Variants in PPARGC1A observed in about 807,000 individuals in gnomAD.
PPARGC1A encodes PPARG coactivator 1 alpha, also known as peroxisome proliferator-activated receptor gamma coactivator 1-alpha.
PPARGC1A carries 25 observed loss-of-function variants against 88.7 expected under a neutral mutation model. The observed-to-expected ratio is 0.28, with a 90% confidence interval of 0.21 to 0.39. The LOEUF is 0.39. Among genes scored for constraint, PPARGC1A ranks in the 10% least tolerant of loss-of-function variants. The pLI, the probability that PPARGC1A is intolerant of heterozygous loss-of-function variation, is 1.00. For synonymous variants in PPARGC1A, 363 were observed against 355.6 expected (o/e 1.02, Z -0.24); for missense variants, 880 against 968.7 (o/e 0.91, Z 1.22).
At chr4:23,944,605 T>C in the PPARGC1A span, among the ~76,000 whole-genome samples, 1 of 152,210 alleles carries the variant, frequency 6.6e-6, no homozygotes, top group Non-Finnish European at 1.5e-5. Context: ...TCTTGAGTTG[T>C]ACAACAGTTC....
At chr4:24,427,231 TTAAAA>T in the PPARGC1A span, among the ~76,000 whole-genome samples, 5 of 152,308 alleles carry the variant, frequency 3.3e-5, no homozygotes, top group African/African-American at 1.2e-4. Flanking sequence ...TTTTGCATAC[TTAAAA>T]TATTTTTTTC....
chr4:24,008,714 AAAC>A, the PPARGC1A span, among the ~76,000 whole-genome samples: 1 of 151,838 alleles, frequency 6.6e-6, no homozygotes, highest in Non-Finnish European at 1.5e-5. Context: ...TAAAAAAAAA[AAAC>A]AGTCTTTGAT....
the PPARGC1A span, among the ~76,000 whole-genome samples, chr4:24,451,716 T>C: frequency 2.0e-5 from 3 of 152,132 alleles, no homozygotes; most frequent in Non-Finnish European, 4.4e-5. Flanking sequence ...TAGCTGGGAT[T>C]ACAGGCACAC....
chr4:23,895,160 A>G (rs560403133), intron 1 of PPARGC1A, among the ~76,000 whole-genome samples: 2,981 of 114,598 alleles, frequency 0.026, 40 homozygotes, highest in Middle Eastern at 0.071. Flanking sequence ...TGTTTAACTG[A>G]AAAAAAAAAA....
chr4:24,003,087 G>C, the PPARGC1A span, among the ~76,000 whole-genome samples: 2 of 152,086 alleles, frequency 1.3e-5, no homozygotes, highest in Admixed American at 6.6e-5. Context: ...TTCAGGCCAT[G>C]AATTAAAAGA....
chr4:24,221,450 A>C, the PPARGC1A span, among the ~76,000 whole-genome samples: 4 of 152,328 alleles, frequency 2.6e-5, no homozygotes, highest in African/African-American at 9.6e-5. Context: ...CCTGGTTTTT[A>C]TCAATGTCTT....
intron 2 of PPARGC1A, among the ~76,000 whole-genome samples, chr4:23,869,795 A>G (rs1222019487): frequency 2.0e-5 from 3 of 152,154 alleles, no homozygotes; most frequent in Non-Finnish European, 4.4e-5. Flanking sequence ...GGGTAGGATA[A>G]ATACGGAAAG....
At chr4:24,334,181 T>C in the PPARGC1A span, among the ~76,000 whole-genome samples, 54 of 152,140 alleles carry the variant, frequency 3.5e-4, no homozygotes, top group Non-Finnish European at 5.7e-4. Context: ...CATTCCCATG[T>C]AATGCCAATG....
At chr4:24,254,258 T>G in the PPARGC1A span, among the ~76,000 whole-genome samples, 1 of 152,204 alleles carries the variant, frequency 6.6e-6, no homozygotes, top group African/African-American at 2.4e-5. Flanking sequence ...GGTGCTAAGA[T>G]TCTCCTTTGA....
the PPARGC1A span, among the ~76,000 whole-genome samples, chr4:24,218,081 T>C: frequency 6.6e-6 from 1 of 152,224 alleles, no homozygotes; most frequent in Non-Finnish European, 1.5e-5. Context: ...GCGCAATTCA[T>C]ACAAAGTTAG....
At chr4:24,139,486 CAG>C in the PPARGC1A span, among the ~76,000 whole-genome samples, 1 of 152,030 alleles carries the variant, frequency 6.6e-6, no homozygotes, top group Non-Finnish European at 1.5e-5. Context: ...GTAAAATACT[CAG>C]AATGTTTGAG....
the PPARGC1A span, among the ~76,000 whole-genome samples, chr4:24,021,360 G>T: frequency 5.1e-4 from 77 of 152,304 alleles, no homozygotes; most frequent in African/African-American, 1.7e-3. Flanking sequence ...CAGGTCACTT[G>T]CTGGCCCTCT....
the PPARGC1A span, among the ~76,000 whole-genome samples, chr4:24,362,247 T>G: frequency 1.3e-5 from 2 of 152,132 alleles, no homozygotes; most frequent in East Asian, 3.9e-4. Context: ...CACCACATCA[T>G]TTTGCTGCCC....
At chr4:24,279,196 G>T in the PPARGC1A span, among the ~76,000 whole-genome samples, 1 of 152,110 alleles carries the variant, frequency 6.6e-6, no homozygotes, top group African/African-American at 2.4e-5. Flanking sequence ...ACAATCAAAG[G>T]GTATATGGCT....
chr4:24,197,878 T>C, the PPARGC1A span, among the ~76,000 whole-genome samples: 3 of 152,228 alleles, frequency 2.0e-5, no homozygotes, highest in Non-Finnish European at 4.4e-5. Flanking sequence ...AGCTTACCTT[T>C]ACTTTTAGTT....
At chr4:23,963,697 T>C in the PPARGC1A span, among the ~76,000 whole-genome samples, 1 of 152,134 alleles carries the variant, frequency 6.6e-6, no homozygotes, top group African/African-American at 2.4e-5. Flanking sequence ...TCAGCTTACC[T>C]CTCCATAAAT....
chr4:24,048,516 C>G, the PPARGC1A span, among the ~76,000 whole-genome samples: 8 of 152,240 alleles, frequency 5.3e-5, no homozygotes, highest in South Asian at 1.5e-3. Flanking sequence ...TTTCTTAAAA[C>G]TCAGGAATTC....
the PPARGC1A span, among the ~76,000 whole-genome samples, chr4:23,955,064 A>G: frequency 3.0e-3 from 460 of 152,188 alleles, 3 homozygotes; most frequent in Non-Finnish European, 4.5e-3. Flanking sequence ...TTTAAAGGAA[A>G]GTTATACTTC....
the PPARGC1A span, among the ~76,000 whole-genome samples, chr4:24,181,144 CT>C: frequency 6.6e-6 from 1 of 152,144 alleles, no homozygotes; most frequent in Non-Finnish European, 1.5e-5. Flanking sequence ...TCCCTGGCTT[CT>C]TTGAGAATAA....
Sources: allele counts gnomAD v4.1 joint callset (sites outside exome capture counted in the v4.1 genomes callset), GRCh38; gene constraint gnomAD v4.1.1; transcripts MANE v1.5; gene names NCBI Gene and HGNC (gene_info 2026-07-23, HGNC 2026-07-21).